Variants in TIGAR observed in about 807,000 individuals in gnomAD.
TIGAR encodes the protein TP53 induced glycolysis regulatory phosphatase, also known as fructose-2,6-bisphosphatase TIGAR.
In TIGAR, 7 loss-of-function variants were observed where a neutral mutation model predicts 17.9. The ratio of observed to expected loss-of-function variants is 0.39; its 90% confidence interval spans 0.22 to 0.73. TIGAR has a LOEUF of 0.73. Among genes scored for constraint, TIGAR ranks in the 30% least tolerant of loss-of-function variants. The pLI is 0.42. For missense variants in TIGAR, 258 were observed against 327.4 expected, an observed-to-expected ratio of 0.79 and a Z score of 1.64; for synonymous variants, 94 against 108.6, an observed-to-expected ratio of 0.87 and a Z score of 0.84.
rs1263393964 is a variant in TIGAR, at chr12:4,352,992, C to A, written c.*301C>A. On this transcript the variant is annotated 3_prime_UTR_variant, in exon 6 of 6. Coordinates refer to ENST00000179259, the MANE Select transcript of TIGAR (RefSeq NM_020375.3). ...AGTTGGGGGATTAGTAACCTTGTTACAACGGTTTCTTTTTCATTTTAGCCT... is the reference window on the plus strand; with the variant it reads ...AGTTGGGGGATTAGTAACCTTGTTAAAACGGTTTCTTTTTCATTTTAGCCT... The A allele has an allele frequency of 3.1e-6, 1 of 325,534 alleles. No homozygotes were observed. The highest frequency in any genetic ancestry group is 5.7e-6 in the Non-Finnish European group (1 of 176,794). The allele number at this position is 325,534 out of a possible 1,614,324, so 20.2% of individuals were successfully genotyped here.
rs1048502177 is a variant in TIGAR, at chr12:4,358,536, G to A, written c.*5845G>A. On this transcript the variant is annotated 3_prime_UTR_variant, in exon 6 of 6. Coordinates refer to ENST00000179259, the MANE Select transcript of TIGAR (RefSeq NM_020375.3). ...CCCTCTGTTTTCCCCTGAAACATTG[G>A]AGAGTAACTTTGAGTCCTCATACTC... Among the ~76,000 whole-genome samples the A allele has an allele frequency of 6.6e-6, 1 of 152,034 alleles. No individual in the cohort carries two copies. Among genetic ancestry groups the A allele is most frequent in the African/African-American group, 2.4e-5 (1 of 41,386 alleles).
intron 3 of TIGAR, among the ~76,000 whole-genome samples, chr12:4,349,023 A>G (rs1388917690): frequency 1.3e-5 from 2 of 152,258 alleles, no homozygotes; most frequent in East Asian, 3.8e-4. Context: ...AACTAAAAAT[A>G]CAATTGGAAT....
chr12:4,341,276 A>AG (rs1396177961), intron 3 of TIGAR, among the ~76,000 whole-genome samples: 10 of 77,528 alleles, frequency 1.3e-4, no homozygotes, highest in South Asian at 7.8e-4. Context: ...TGACAAAGAG[A>AG]GGGGGGGCGG....
chr12:4,346,350 C>T (rs1361236115), intron 3 of TIGAR, among the ~76,000 whole-genome samples: 1 of 152,110 alleles, frequency 6.6e-6, no homozygotes, highest in Non-Finnish European at 1.5e-5. Context: ...GACTTGGAAC[C>T]AACCCAAATG....
At chr12:4,338,155 C>T (rs545245074) in intron 3 of TIGAR, among the ~76,000 whole-genome samples, 97 of 152,010 alleles carry the variant, frequency 6.4e-4, no homozygotes, top group Non-Finnish European at 1.1e-3. Context: ...AAATTAAAAA[C>T]GAACCCAGTC....
In TIGAR at chr12:4,353,196, G is replaced by T. The variant is rs1046928124; in HGVS notation, c.*505G>T. 1 of 152,962 alleles carries T rather than the reference G, an allele frequency of 6.5e-6. No individual in the cohort carries two copies. The highest frequency in any genetic ancestry group is 6.5e-5 in the Admixed American group (1 of 15,384). 9.5% of individuals were successfully genotyped at this position (152,962 alleles called of 1,614,324 possible). On this transcript the variant is annotated 3_prime_UTR_variant, in exon 6 of 6. Transcript: ENST00000179259. ...GCAAAATAACACTAACATGTTTTAC[G>T]TATAAATCAACTATTGGAATTTTTT...
chr12:4,343,456 A>G (rs1864746805), intron 3 of TIGAR, among the ~76,000 whole-genome samples: 1 of 152,240 alleles, frequency 6.6e-6, no homozygotes, highest in Non-Finnish European at 1.5e-5. Flanking sequence ...CACTGCACTT[A>G]TTCCAAAATT....
intron 2 of TIGAR, among the ~76,000 whole-genome samples, chr12:4,332,238 CTTTTTTT>C (rs777711454): frequency 3.1e-5 from 3 of 95,362 alleles, no homozygotes; most frequent in African/African-American, 4.0e-5. Context: ...TCATGTATTT[CTTTTTTT>C]TTTTTTTTTT....
In TIGAR at chr12:4,351,252, A is replaced by AT; in HGVS notation, c.271-13dup. The AT allele has an allele frequency of 6.2e-7, 1 of 1,610,494 alleles. No homozygotes were observed. The highest frequency in any genetic ancestry group is 1.7e-5 in the Admixed American group (1 of 59,846). On this transcript the variant is annotated splice_polypyrimidine_tract_variant and intron_variant, in intron 4 of 5. Coordinates refer to ENST00000179259, the MANE Select transcript of TIGAR (RefSeq NM_020375.3). Reference sequence around the variant, plus strand: ...AATTTCATTTGAGAAACTGTTATCTATTGGACTGTTTCAGAAATACGGGGT... The same window carrying AT: ...AATTTCATTTGAGAAACTGTTATCTATTTGGACTGTTTCAGAAATACGGGGT...
intron 3 of TIGAR, 149 bp from the exon 4 acceptor site, chr12:4,349,670 G>A: frequency 1.7e-6 from 1 of 588,018 alleles, no homozygotes; most frequent in Non-Finnish European, 2.9e-6. Flanking sequence ...ACCCGCCTCA[G>A]CCTCCCAAAG....
At position 4,324,682 on chromosome 12, in the gene TIGAR, G is replaced by T. The variant is rs1211939722; in HGVS notation, c.32+3379G>T. The stretch of plus-strand genomic sequence containing the variant: ...CCGCCGCAGGCCCGGGTTCACTTGC[G>T]GCCGCTGGCACGCACTGTACAGCTG... On this transcript the variant is annotated intron_variant, in intron 1 of 5. Coordinates refer to ENST00000179259, the MANE Select transcript of TIGAR (RefSeq NM_020375.3). The T allele has an allele frequency of 5.9e-6, 6 of 1,015,428 alleles. No individual in the cohort carries two copies. The South Asian group carries it at 6.8e-5, about 12-fold the overall frequency. The allele number at this position is 1,015,428 out of a possible 1,614,324, so 62.9% of individuals were successfully genotyped here. A position where few individuals can be genotyped will look rare whatever the true frequency, so the allele number is the denominator to read the frequency against.
chr12:4,344,054 G>T (rs1864753509), intron 3 of TIGAR, among the ~76,000 whole-genome samples: 1 of 152,098 alleles, frequency 6.6e-6, no homozygotes, highest in African/African-American at 2.4e-5. Flanking sequence ...TATCACCACA[G>T]ATCCCACAGA....
At chr12:4,335,561 A>AG (rs1437245726) in intron 2 of TIGAR, 1 of 152,274 alleles carries the variant, frequency 6.6e-6, no homozygotes, top group Non-Finnish European at 1.5e-5. Flanking sequence ...GGAGCACTGA[A>AG]GGAGAAGTCA....
chr12:4,341,332 C>T (rs774850759), intron 3 of TIGAR, among the ~76,000 whole-genome samples: 3 of 152,148 alleles, frequency 2.0e-5, no homozygotes, highest in Admixed American at 6.5e-5. Flanking sequence ...CAGCTCCCAG[C>T]GTGAGCGACG....
Position 4,321,233 on chromosome 12 carries a change from C to T in TIGAR, c.-39C>T, listed in dbSNP as rs575687942. On this transcript the variant is annotated 5_prime_UTR_variant, in exon 1 of 6. Coordinates refer to ENST00000179259, the MANE Select transcript of TIGAR (RefSeq NM_020375.3). This position sits in a 1 kb window ranked among gnomAD's most constrained non-coding sequence, Gnocchi z 5.2. The stretch of plus-strand genomic sequence containing the variant: ...GAGGTAGCCCGCAGTGCAGGGGCAG[C>T]GCGGCGCGGGGCCACCGACGGGACG... 12 of 1,599,380 alleles carry T rather than the reference C, an allele frequency of 7.5e-6. No individual in the cohort carries two copies. The African/African-American group carries it at 1.2e-4, about 16-fold the overall frequency.
At chr12:4,325,714 C>A (rs371768434) in intron 1 of TIGAR, among the ~76,000 whole-genome samples, 1 of 148,536 alleles carries the variant, frequency 6.7e-6, no homozygotes, top group East Asian at 2.0e-4. Context: ...TGCACTCCAG[C>A]CTGGGCAACA....
chr12:4,340,367 A>G (rs947898218), intron 3 of TIGAR, among the ~76,000 whole-genome samples: 1 of 152,226 alleles, frequency 6.6e-6, no homozygotes, highest in Non-Finnish European at 1.5e-5. Flanking sequence ...CCACAAGGAA[A>G]ACTATAAGAC....
intron 3 of TIGAR, among the ~76,000 whole-genome samples, chr12:4,337,956 C>T (rs1033900530): frequency 2.6e-5 from 4 of 152,080 alleles, no homozygotes; most frequent in Non-Finnish European, 5.9e-5. Flanking sequence ...CATGGTGAAA[C>T]CCTATCTCCA....
At chr12:4,325,201 C>G (rs1864530827) in intron 1 of TIGAR, among the ~76,000 whole-genome samples, 1 of 151,984 alleles carries the variant, frequency 6.6e-6, no homozygotes, top group Admixed American at 6.6e-5. Flanking sequence ...CTCGGCCTCC[C>G]AAAGTGTTGG....
Sources: allele counts gnomAD v4.1 joint callset (sites outside exome capture counted in the v4.1 genomes callset), GRCh38; gene constraint gnomAD v4.1.1; non-coding constraint Gnocchi (gnomAD v3.1); transcripts MANE v1.5; gene names NCBI Gene and HGNC (gene_info 2026-07-23, HGNC 2026-07-21).